Variants in ZSCAN25 observed in about 807,000 individuals in gnomAD.
ZSCAN25 encodes the protein zinc finger and SCAN domain containing 25.
In ZSCAN25, 27 loss-of-function variants were observed where a neutral mutation model predicts 38.7. That is an observed-to-expected ratio of 0.70 (90% CI 0.51 to 0.96). The LOEUF is 0.96. ZSCAN25 is among the 40% of genes least tolerant of loss of function. The pLI is 0.00. For synonymous variants in ZSCAN25, 273 were observed against 277.7 expected, an observed-to-expected ratio of 0.98 and a Z score of 0.17; for missense variants, 637 against 705.9, an observed-to-expected ratio of 0.90 and a Z score of 1.11.
the ZSCAN25 span, among the ~76,000 whole-genome samples, chr7:99,719,776 A>G: frequency 6.6e-6 from 1 of 152,138 alleles, no homozygotes; most frequent in African/African-American, 2.4e-5. Flanking sequence ...ATAAATTTGC[A>G]TAGAACTACC....
At chr7:99,691,367 A>T in the ZSCAN25 span, among the ~76,000 whole-genome samples, 1 of 152,328 alleles carries the variant, frequency 6.6e-6, no homozygotes, top group South Asian at 2.1e-4. Context: ...TGGGTGTGGC[A>T]CACCAACATG....
At chr7:99,698,220 A>G in the ZSCAN25 span, among the ~76,000 whole-genome samples, 1 of 152,194 alleles carries the variant, frequency 6.6e-6, no homozygotes, top group Non-Finnish European at 1.5e-5. Flanking sequence ...AGCATTGTCT[A>G]AGGCTAAGGC....
the ZSCAN25 span, among the ~76,000 whole-genome samples, chr7:99,640,893 G>C: frequency 1.3e-5 from 2 of 152,296 alleles, no homozygotes; most frequent in Non-Finnish European, 1.5e-5. Context: ...GACTTGGGAG[G>C]AGCAGTTTGG....
At chr7:99,675,082 G>T in the ZSCAN25 span, among the ~76,000 whole-genome samples, 3 of 152,320 alleles carry the variant, frequency 2.0e-5, no homozygotes, top group Admixed American at 2.0e-4. Flanking sequence ...TTTTAGTCTT[G>T]CAGATTTAGA....
At chr7:99,660,523 C>T in the ZSCAN25 span, 1 of 1,613,096 alleles carries the variant, frequency 6.2e-7, no homozygotes, top group Non-Finnish European at 8.5e-7. Context: ...CTGCATCAAT[C>T]TCCTTTTGCA....
the ZSCAN25 span, among the ~76,000 whole-genome samples, chr7:99,686,837 G>A: frequency 6.6e-6 from 1 of 152,114 alleles, no homozygotes; most frequent in Admixed American, 6.5e-5. Context: ...TCAGGCAGCA[G>A]CATTTGCAGG....
the ZSCAN25 span, among the ~76,000 whole-genome samples, chr7:99,639,763 T>C: frequency 2.6e-5 from 4 of 152,154 alleles, no homozygotes; most frequent in African/African-American, 9.7e-5. Flanking sequence ...CTCCTGTGAA[T>C]TCTAACTCAT....
chr7:99,722,059 A>C, the ZSCAN25 span, among the ~76,000 whole-genome samples: 1 of 152,210 alleles, frequency 6.6e-6, no homozygotes, highest in Non-Finnish European at 1.5e-5. Context: ...TCTGTGGAAC[A>C]TCTTTGTCTT....
At chr7:99,726,943 C>A in the ZSCAN25 span, among the ~76,000 whole-genome samples, 1 of 152,202 alleles carries the variant, frequency 6.6e-6, no homozygotes, top group African/African-American at 2.4e-5. Context: ...ACCCCTTCTA[C>A]AAAACAACTC....
At position 99,629,070 on chromosome 7, in the gene ZSCAN25, G is replaced by A; in HGVS notation, c.806-121G>A. On this transcript the variant is annotated intron_variant, in intron 7 of 7. Coordinates refer to ENST00000394152, the MANE Select transcript of ZSCAN25 (RefSeq NM_145115.3). This position sits in a 1 kb window ranked among gnomAD's most constrained non-coding sequence, Gnocchi z 5.6. Reference sequence around the variant, plus strand: ...AGAAGTAAGGAAAGCCTGAGTTGAGGTTGTTGGTCAAAGGAAAAAAGAGAA... The same window carrying A: ...AGAAGTAAGGAAAGCCTGAGTTGAGATTGTTGGTCAAAGGAAAAAAGAGAA... 1 of 1,366,534 alleles carries A rather than the reference G, an allele frequency of 7.3e-7. No homozygotes were observed. The highest frequency in any genetic ancestry group is 1.5e-5 in the African/African-American group (1 of 68,588). The allele number at this position is 1,366,534 out of a possible 1,614,324, so 84.7% of individuals were successfully genotyped here.
chr7:99,733,778 G>A, the ZSCAN25 span, among the ~76,000 whole-genome samples: 1 of 152,210 alleles, frequency 6.6e-6, no homozygotes, highest in East Asian at 1.9e-4. Flanking sequence ...CTACCTGGAT[G>A]CTTTTGCTAT....
chr7:99,665,152 A>G, the ZSCAN25 span: 4 of 1,575,936 alleles, frequency 2.5e-6, no homozygotes, highest in Admixed American at 1.8e-5. Flanking sequence ...AGAAAGAAAT[A>G]ATAGCCCACA....
the ZSCAN25 span, chr7:99,709,296 A>AT: frequency 1.9e-6 from 3 of 1,603,828 alleles, no homozygotes; most frequent in Non-Finnish European, 2.6e-6. Flanking sequence ...ATAAATTGAG[A>AT]TTTTTGAATT....
At chr7:99,654,085 A>T in the ZSCAN25 span, among the ~76,000 whole-genome samples, 2,673 of 148,878 alleles carry the variant, frequency 0.018, 87 homozygotes, top group African/African-American at 0.061. Flanking sequence ...AGGTTTTTGA[A>T]TTTTTTTTTT....
chr7:99,705,504 G>T, the ZSCAN25 span: 1 of 1,613,430 alleles, frequency 6.2e-7, no homozygotes, highest in Non-Finnish European at 8.5e-7. Context: ...GGGAAATCAG[G>T]CTCCACTTAC....
chr7:99,700,096 G>T, the ZSCAN25 span: 1 of 1,221,020 alleles, frequency 8.2e-7, no homozygotes, highest in Non-Finnish European at 1.2e-6. Flanking sequence ...GCTGTTGTTT[G>T]CTGGGCTGTC....
chr7:99,690,197 AG>A, the ZSCAN25 span, among the ~76,000 whole-genome samples: 28 of 152,246 alleles, frequency 1.8e-4, no homozygotes, highest in Non-Finnish European at 1.5e-5. Context: ...CAATGGGGAA[AG>A]GATTCCCTAT....
At chr7:99,685,079 G>T in the ZSCAN25 span, 1 of 1,202,876 alleles carries the variant, frequency 8.3e-7, no homozygotes, top group Non-Finnish European at 1.2e-6. Context: ...AGTAATTTGA[G>T]GTCTCTGGTG....
chr7:99,667,305 T>A, the ZSCAN25 span, among the ~76,000 whole-genome samples: 1 of 152,192 alleles, frequency 6.6e-6, no homozygotes, highest in Admixed American at 6.5e-5. Flanking sequence ...TGCCTCTATA[T>A]CTCAGTCTCC....
Sources: allele counts gnomAD v4.1 joint callset (sites outside exome capture counted in the v4.1 genomes callset), GRCh38; gene constraint gnomAD v4.1.1; non-coding constraint Gnocchi (gnomAD v3.1); transcripts MANE v1.5; gene names NCBI Gene and HGNC (gene_info 2026-07-23, HGNC 2026-07-21).